Variants in TENM3 observed in about 807,000 individuals in gnomAD.
TENM3 encodes the protein teneurin transmembrane protein 3.
TENM3 carries 63 observed loss-of-function variants against 255.1 expected under a neutral mutation model. The observed-to-expected ratio is 0.25, with a 90% CI of 0.20 to 0.30. The LOEUF (loss-of-function observed/expected upper bound fraction) is 0.30. Among genes scored for constraint, TENM3 ranks in the 10% least tolerant of loss-of-function variants. The probability of loss-of-function intolerance (pLI) is 1.00; values close to 1 mark genes in which losing one functional copy is unlikely to be tolerated. For synonymous variants in TENM3, 1,306 were observed against 1,322.3 expected (o/e 0.99, Z 0.27); for missense variants, 2,929 against 3,461.1 (o/e 0.85, Z 3.86).
chr4:181,781,992 T>C, the TENM3 span, among the ~76,000 whole-genome samples: 1 of 152,190 alleles, frequency 6.6e-6, no homozygotes, highest in Non-Finnish European at 1.5e-5. Flanking sequence ...GTGGATAAGC[T>C]TTTTGATGTG....
At chr4:182,323,388 C>G (rs548113811) in intron 1 of TENM3, among the ~76,000 whole-genome samples, 1 of 149,364 alleles carries the variant, frequency 6.7e-6, no homozygotes, top group South Asian at 2.1e-4. Flanking sequence ...GAAAATTGTG[C>G]CCTCTGAAGA....
chr4:182,770,547 A>G (rs972515955), intron 22 of TENM3, among the ~76,000 whole-genome samples: 2 of 152,172 alleles, frequency 1.3e-5, no homozygotes, highest in African/African-American at 2.4e-5. Flanking sequence ...CAGTTGAGCC[A>G]CACAGTTGCA....
At chr4:182,629,012 G>T in intron 5 of TENM3, 123 bp downstream of exon 5, 1 of 647,978 alleles carries the variant, frequency 1.5e-6, no homozygotes, top group Non-Finnish European at 2.6e-6. Flanking sequence ...GGGTGAGTTT[G>T]GTAATAATGT....
the TENM3 span, among the ~76,000 whole-genome samples, chr4:182,097,765 G>A: frequency 5.3e-5 from 8 of 152,120 alleles, no homozygotes; most frequent in African/African-American, 1.9e-4. Flanking sequence ...GCCAAGTTCT[G>A]AGCTAAGCAC....
chr4:181,730,595 G>T, the TENM3 span, among the ~76,000 whole-genome samples: 176 of 152,260 alleles, frequency 1.2e-3, 5 homozygotes, highest in East Asian at 0.033. Flanking sequence ...GGAAGTGGGG[G>T]AAAACCCACA....
chr4:182,700,950 G>A (rs1757808508), intron 12 of TENM3, among the ~76,000 whole-genome samples: 1 of 152,016 alleles, frequency 6.6e-6, no homozygotes. Flanking sequence ...AAGCATGGGT[G>A]GGTAAGACCA....
the TENM3 span, among the ~76,000 whole-genome samples, chr4:181,847,479 A>G: frequency 3.3e-5 from 5 of 152,110 alleles, no homozygotes; most frequent in African/African-American, 7.2e-5. Context: ...ATATGTTTTC[A>G]GAAAAAATTA....
chr4:181,577,307 C>T, the TENM3 span, among the ~76,000 whole-genome samples: 1 of 149,408 alleles, frequency 6.7e-6, no homozygotes, highest in Non-Finnish European at 1.5e-5. Flanking sequence ...TCCCAAAGTG[C>T]CGGGATTACA....
At chr4:181,477,213 C>T in the TENM3 span, among the ~76,000 whole-genome samples, 2 of 152,134 alleles carry the variant, frequency 1.3e-5, no homozygotes, top group Non-Finnish European at 2.9e-5. Flanking sequence ...CCCCGAAATG[C>T]TCCTATGATC....
the TENM3 span, among the ~76,000 whole-genome samples, chr4:181,475,834 G>T: frequency 6.6e-6 from 1 of 152,222 alleles, no homozygotes; most frequent in Non-Finnish European, 1.5e-5. Context: ...CCTTCAAACT[G>T]AATGTAGGTG....
the TENM3 span, among the ~76,000 whole-genome samples, chr4:182,114,210 AGTT>A: frequency 1.2e-4 from 18 of 152,214 alleles, no homozygotes; most frequent in Non-Finnish European, 1.3e-4. Flanking sequence ...AATTAAAAGC[AGTT>A]GTTGAGAAAG....
the TENM3 span, among the ~76,000 whole-genome samples, chr4:181,832,627 C>T: frequency 1.1e-3 from 160 of 152,306 alleles, no homozygotes; most frequent in Non-Finnish European, 2.0e-3. Context: ...AAGAGACTTG[C>T]TTCAGCTATT....
At chr4:181,949,060 C>A in the TENM3 span, among the ~76,000 whole-genome samples, 1 of 152,102 alleles carries the variant, frequency 6.6e-6, no homozygotes, top group Non-Finnish European at 1.5e-5. Flanking sequence ...TTTGAAAAAA[C>A]TGATCTAGCA....
intron 3 of TENM3, among the ~76,000 whole-genome samples, chr4:182,406,782 C>A (rs1207737680): frequency 6.6e-6 from 1 of 152,204 alleles, no homozygotes; most frequent in African/African-American, 2.4e-5. Flanking sequence ...TTGTACATAG[C>A]AGAACATTCT....
chr4:182,556,025 C>T (rs1021608335), intron 3 of TENM3, among the ~76,000 whole-genome samples: 1 of 152,084 alleles, frequency 6.6e-6, no homozygotes, highest in Admixed American at 6.6e-5. Flanking sequence ...CTTTCTCTGA[C>T]CAAATATGCC....
At chr4:182,531,887 T>G (rs1357333813) in intron 3 of TENM3, among the ~76,000 whole-genome samples, 3 of 152,200 alleles carry the variant, frequency 2.0e-5, no homozygotes, top group Non-Finnish European at 4.4e-5. Flanking sequence ...CATGGTGAGC[T>G]GCTCTCATTA....
intron 3 of TENM3, among the ~76,000 whole-genome samples, chr4:182,364,716 G>T (rs920368060): frequency 2.0e-5 from 3 of 152,180 alleles, no homozygotes; most frequent in Non-Finnish European, 4.4e-5. Flanking sequence ...ACCGCGCCCA[G>T]CCCCAACTTC....
chr4:182,763,290 C>T (rs374276147), intron 22 of TENM3, among the ~76,000 whole-genome samples: 6 of 152,136 alleles, frequency 3.9e-5, no homozygotes, highest in Middle Eastern at 3.2e-3. Flanking sequence ...GGGGCGGGCG[C>T]GGTGGCTCAC....
intron 4 of TENM3, among the ~76,000 whole-genome samples, chr4:182,609,011 G>C (rs573509288): frequency 5.3e-5 from 8 of 152,290 alleles, no homozygotes; most frequent in African/African-American, 1.9e-4. Flanking sequence ...GGGACTGGAG[G>C]GTATGGCCCA....
Sources: allele counts gnomAD v4.1 joint callset (sites outside exome capture counted in the v4.1 genomes callset), GRCh38; gene constraint gnomAD v4.1.1; transcripts MANE v1.5; gene names NCBI Gene and HGNC (gene_info 2026-07-23, HGNC 2026-07-21).